Variants in CFAP20DC observed in about 807,000 individuals in gnomAD.
CFAP20DC encodes protein CFAP20DC.
A neutral mutation model predicts 101.7 loss-of-function variants in CFAP20DC; 84 were observed. That is an observed-to-expected ratio of 0.83 (90% CI 0.69 to 0.99). The LOEUF is 0.99. Ranked by LOEUF, CFAP20DC falls within the 50% of genes least tolerant of loss-of-function variation. The pLI, the probability that CFAP20DC is intolerant of heterozygous loss-of-function variation, is 0.00. For missense variants in CFAP20DC, 1,007 were observed against 970.3 expected, an observed-to-expected ratio of 1.04 and a Z score of -0.50; for synonymous variants, 359 against 351.2, an observed-to-expected ratio of 1.02 and a Z score of -0.25.
At chr3:58,820,046 T>C (rs1053301575) in intron 14 of CFAP20DC, among the ~76,000 whole-genome samples, 1 of 150,206 alleles carries the variant, frequency 6.7e-6, no homozygotes, top group East Asian at 2.0e-4. Flanking sequence ...AAAAACCACA[T>C]GATTATCTCA....
chr3:58,761,929 C>T (rs2069650971), intron 15 of CFAP20DC, among the ~76,000 whole-genome samples: 1 of 152,074 alleles, frequency 6.6e-6, no homozygotes, highest in African/African-American at 2.4e-5. Context: ...TGTTCTTTTA[C>T]ATTTGCTGAG....
Position 59,012,757 on chromosome 3 carries a change from A to G in CFAP20DC, c.278+26800T>C, listed in dbSNP as rs192572652. On this transcript the variant is annotated intron_variant, in intron 4 of 16. Transcript: ENST00000482387. ...AAAACATAGCAATTGATCAAAGAAA[A>G]AGGAAGTAGAAATTAAAAAGAGAAA... Among the ~76,000 whole-genome samples the G allele has an allele frequency of 2.6e-5, 4 of 152,308 alleles. No homozygotes were observed. The East Asian group carries it at 7.7e-4, about 29-fold the overall frequency.
intron 3 of CFAP20DC, among the ~76,000 whole-genome samples, chr3:59,042,643 T>C (rs890093995): frequency 2.0e-5 from 3 of 152,106 alleles, no homozygotes; most frequent in Non-Finnish European, 4.4e-5. Context: ...CTGAGAGAGA[T>C]GGGACATTTT....
In CFAP20DC at chr3:58,788,361, C is replaced by T. The variant is rs150789040; in HGVS notation, c.2237+18034G>A. On this transcript the variant is annotated intron_variant, in intron 15 of 16. Coordinates refer to ENST00000482387, the MANE Select transcript of CFAP20DC (RefSeq NM_001394063.1). This position sits in a 1 kb window ranked among gnomAD's most constrained non-coding sequence, Gnocchi z 4.2. ...TTAAACCACGGTTACCGGGGAAATC[C>T]TATTGGTGAGAATCCACAGACATTT... Among the ~76,000 whole-genome samples, 399 of 152,198 alleles carry T rather than the reference C, an allele frequency of 2.6e-3. 1 individual carries two copies. The highest frequency in any genetic ancestry group is 3.0e-3 in the Non-Finnish European group (207 of 68,008).
chr3:58,984,496 G>A (rs1043620523), intron 4 of CFAP20DC, among the ~76,000 whole-genome samples: 1 of 152,162 alleles, frequency 6.6e-6, no homozygotes, highest in African/African-American at 2.4e-5. Flanking sequence ...CTAATGACAT[G>A]GAAAGAGATG....
At chr3:59,046,108 A>C in intron 3 of CFAP20DC, 121 bp downstream of exon 3, 1 of 704,324 alleles carries the variant, frequency 1.4e-6, no homozygotes. Context: ...TAAAAAAAAA[A>C]TTCTATCATC....
In CFAP20DC at chr3:58,937,732, T is replaced by G. The variant is rs776174601; in HGVS notation, c.309A>C (p.Arg103Ser). 104 of 1,609,170 alleles carry G rather than the reference T, an allele frequency of 6.5e-5. No homozygotes were observed. The highest frequency in any genetic ancestry group is 8.5e-5 in the Non-Finnish European group (100 of 1,175,832). Residue 103 changes from arginine (R) to serine (S), a missense_variant, in exon 5 of 17, where the codon AGA becomes AGC. Transcript: ENST00000482387. ...CCTTATGGACCGTTGATAAATATAATCTTCTTTTGATGTTCCCTAAATCAG... is the reference window on the plus strand; with the variant it reads ...CCTTATGGACCGTTGATAAATATAAGCTTCTTTTGATGTTCCCTAAATCAG... ...LITDLGNIKR[R>S]LYLSTVHKEL...
chr3:59,005,893 A>G (rs1054373605), intron 4 of CFAP20DC, among the ~76,000 whole-genome samples: 2 of 152,198 alleles, frequency 1.3e-5, no homozygotes, highest in African/African-American at 4.8e-5. Flanking sequence ...AATATCCTAG[A>G]TACATAGAAT....
At chr3:58,811,535 AC>A (rs1265210224) in intron 14 of CFAP20DC, among the ~76,000 whole-genome samples, 5 of 152,254 alleles carry the variant, frequency 3.3e-5, no homozygotes, top group South Asian at 2.1e-4. Context: ...CCTTCCTTAT[AC>A]CTTATAAAAA....
chr3:58,940,222 A>G lies in CFAP20DC; in HGVS notation c.279-2460T>C, dbSNP rs183766159. On this transcript the variant is annotated intron_variant, in intron 4 of 16. Coordinates refer to ENST00000482387, the MANE Select transcript of CFAP20DC (RefSeq NM_001394063.1). ...CCAGGAAAATTGCTGGGAGTACGTC[A>G]GGGAGACAGCGATGAAAAAGACAAG... 8.5e-5 allele frequency among the ~76,000 whole-genome samples: 13 copies of G among 152,362 alleles called. No individual in the cohort carries two copies. The East Asian group carries it at 2.5e-3, about 29-fold the overall frequency.
At chr3:58,740,189 G>C (rs536543102), downstream of CFAP20DC, among the ~76,000 whole-genome samples, 1 of 152,266 alleles carries the variant, frequency 6.6e-6, no homozygotes, top group Non-Finnish European at 1.5e-5. The surrounding 1 kb of genome is among the most constrained non-coding windows in gnomAD (Gnocchi z 4.6). Flanking sequence ...GAAGAGAGAA[G>C]AGATGGCAAA....
intron 14 of CFAP20DC, 64 bp from the exon 15 acceptor site, chr3:58,806,520 A>G: frequency 8.9e-7 from 1 of 1,118,442 alleles, no homozygotes; most frequent in Non-Finnish European, 1.4e-6. Flanking sequence ...AGACATTCAC[A>G]TGCACTCTCA....
intron 3 of CFAP20DC, among the ~76,000 whole-genome samples, chr3:58,731,716 A>T (rs930026900): frequency 6.6e-6 from 1 of 152,238 alleles, no homozygotes; most frequent in Non-Finnish European, 1.5e-5. Flanking sequence ...AAAAATATAG[A>T]TTCTTTTTAA....
At chr3:58,766,939 C>T (rs1260276448) in intron 15 of CFAP20DC, among the ~76,000 whole-genome samples, 3 of 152,218 alleles carry the variant, frequency 2.0e-5, no homozygotes, top group African/African-American at 4.8e-5. Flanking sequence ...TCAATCTAGT[C>T]GAGCTCCTTT....
intron 11 of CFAP20DC, among the ~76,000 whole-genome samples, chr3:58,866,223 G>A (rs561725313): frequency 2.0e-5 from 3 of 152,264 alleles, no homozygotes; most frequent in South Asian, 2.1e-4. Context: ...ATATGTTGAT[G>A]GGCTCAATGC....
chr3:58,933,121 C>T (rs2086960618), intron 5 of CFAP20DC, among the ~76,000 whole-genome samples: 1 of 152,000 alleles, frequency 6.6e-6, no homozygotes, highest in African/African-American at 2.4e-5. Context: ...GGGTTGCAAT[C>T]CTAGTCTCTG....
chr3:58,717,657 A>G lies in CFAP20DC; in HGVS notation c.198-29T>C, dbSNP rs76301311. ...CATTTCAGGTAGGAGAAGAGAGAAG[A>G]AAAAAAAAAAAGAAAAAAGGTACAT... On this transcript the variant is annotated intron_variant, in intron 3 of 3. Transcript: ENST00000486145. This position sits in a 1 kb window ranked among gnomAD's most constrained non-coding sequence, Gnocchi z 4.1. 2 of 227,352 alleles carry G rather than the reference A, an allele frequency of 8.8e-6. No individual in the cohort carries two copies. Among genetic ancestry groups the G allele is most frequent in the Non-Finnish European group, 1.8e-5 (2 of 110,602 alleles). The allele number at this position is 227,352 out of a possible 1,614,324, so 14.1% of individuals were successfully genotyped here. A position where few individuals can be genotyped will look rare whatever the true frequency, so the allele number is the denominator to read the frequency against.
chr3:58,979,277 C>A (rs534448775), intron 4 of CFAP20DC, among the ~76,000 whole-genome samples: 2 of 152,306 alleles, frequency 1.3e-5, no homozygotes, highest in South Asian at 4.1e-4. Context: ...CAAGTTAGGG[C>A]TCCCTCTTCT....
chr3:58,896,127 T>G (rs905921270), intron 6 of CFAP20DC, among the ~76,000 whole-genome samples: 3 of 152,154 alleles, frequency 2.0e-5, no homozygotes, highest in Admixed American at 6.5e-5. Flanking sequence ...CTTGGGAGGG[T>G]GTATGCATCC....
Sources: gnomAD v4.1 joint callset for allele counts (sites outside exome capture counted in the v4.1 genomes callset) on GRCh38, gnomAD v4.1.1 for gene constraint, Gnocchi (gnomAD v3.1) non-coding constraint, MANE v1.5 for transcripts, NCBI Gene and HGNC (gene_info 2026-07-23, HGNC 2026-07-21) for gene names.